SLC47A1: variants seen among roughly 807,000 people sequenced by gnomAD.
The protein encoded by SLC47A1 is multidrug and toxin extrusion protein 1.
SLC47A1 carries 58 observed loss-of-function variants against 65.8 expected under a neutral mutation model. The observed-to-expected ratio is 0.88, with a 90% CI of 0.71 to 1.10. The LOEUF is 1.10. Among genes scored for constraint, SLC47A1 ranks in the 50% least tolerant of loss-of-function variants. The pLI is 0.00. For missense variants in SLC47A1, 706 were observed against 719.2 expected (o/e 0.98, Z 0.21); for synonymous variants, 285 against 295.0 (o/e 0.97, Z 0.35).
At chr17:19,540,871 CACACA>C (rs1916127754) in intron 1 of SLC47A1, among the ~76,000 whole-genome samples, 1 of 151,798 alleles carries the variant, frequency 6.6e-6, no homozygotes, top group African/African-American at 2.4e-5. Context: ...CACACACACA[CACACA>C]CCCCTAGGGT....
chr17:19,533,994 G>C lies in SLC47A1; in HGVS notation c.55G>C (p.Glu19Gln), dbSNP rs779144949. 6.5e-7 allele frequency: 1 copy of C among 1,544,648 alleles called. No homozygotes were observed. Among genetic ancestry groups the C allele is most frequent in the Non-Finnish European group, 8.7e-7 (1 of 1,146,848 alleles). ...PVRGGPEATL[E>Q]VRGSRCLRLS... ...GCGCGGAGGCCCGGAGGCCACCCTT[G>C]AGGTCCGTGGGTCGCGCTGCTTGCG... is the stretch of plus-strand genomic sequence containing the variant. The change falls in exon 1 of 17, where the codon GAG becomes CAG. Residue 19 changes from glutamate to glutamine, a missense_variant. Glu to Gln is a conservative substitution (Grantham distance 29). Transcript: ENST00000270570.
intron 2 of SLC47A1, among the ~76,000 whole-genome samples, chr17:19,544,766 C>T (rs536572195): frequency 3.3e-5 from 5 of 152,188 alleles, no homozygotes; most frequent in South Asian, 2.1e-4. Context: ...CCCTGATACC[C>T]GAAATTGGAG....
At chr17:19,560,574 G>A in intron 12 of SLC47A1, 81 bp downstream of exon 12, 2 of 1,403,794 alleles carry the variant, frequency 1.4e-6, no homozygotes, top group Non-Finnish European at 2.0e-6. Context: ...CTAAAATCAG[G>A]CTGTTCAGAA....
At chr17:19,555,718 T>C (rs374563597) in intron 8 of SLC47A1, 28 bp downstream of exon 8, 4 of 1,613,594 alleles carry the variant, frequency 2.5e-6, no homozygotes, top group Non-Finnish European at 3.4e-6. Context: ...GTCTTCCAAC[T>C]GGGATGTGGG....
intron 12 of SLC47A1, among the ~76,000 whole-genome samples, chr17:19,565,738 G>A (rs989559944): frequency 1.3e-5 from 2 of 151,714 alleles, no homozygotes; most frequent in Non-Finnish European, 2.9e-5. Flanking sequence ...CCGCCACCAC[G>A]CCCGGCTAAT....
intron 16 of SLC47A1, among the ~76,000 whole-genome samples, chr17:19,574,505 C>G (rs1199020900): frequency 6.6e-6 from 1 of 152,202 alleles, no homozygotes; most frequent in Non-Finnish European, 1.5e-5. Flanking sequence ...TGTTTGCATT[C>G]TGATGCCTTC....
At chr17:19,536,750 A>G (rs567091517) in intron 1 of SLC47A1, among the ~76,000 whole-genome samples, 27 of 152,254 alleles carry the variant, frequency 1.8e-4, no homozygotes, top group South Asian at 6.2e-4. Flanking sequence ...ATTGTCCAAT[A>G]CTTTCTTCTC....
chr17:19,577,252 C>G, intron 16 of SLC47A1, 75 bp from the exon 17 acceptor site: 1 of 1,561,746 alleles, frequency 6.4e-7, no homozygotes, highest in Non-Finnish European at 8.7e-7. Flanking sequence ...AGCACATATT[C>G]CTTTTATACA....
intron 6 of SLC47A1, among the ~76,000 whole-genome samples, chr17:19,554,880 A>C (rs551912341): frequency 3.7e-4 from 56 of 152,328 alleles, no homozygotes; most frequent in African/African-American, 1.3e-3. Flanking sequence ...CCAGTGTCAA[A>C]GGTGCCTTGT....
intron 16 of SLC47A1, among the ~76,000 whole-genome samples, chr17:19,574,956 A>T (rs1164830816): frequency 6.6e-6 from 1 of 152,152 alleles, no homozygotes; most frequent in Non-Finnish European, 1.5e-5. Flanking sequence ...ACTTACTTTT[A>T]TACTACCGCT....
chr17:19,552,537 C>T (rs1282008408), intron 6 of SLC47A1, among the ~76,000 whole-genome samples: 1 of 152,296 alleles, frequency 6.6e-6, no homozygotes, highest in East Asian at 1.9e-4. Context: ...CTCCTGGACT[C>T]AGTCCCCCAA....
intron 12 of SLC47A1, among the ~76,000 whole-genome samples, chr17:19,563,850 G>C (rs189457713): frequency 6.6e-6 from 1 of 151,990 alleles, no homozygotes. Context: ...TTAGCCGGGC[G>C]TGGTGGCACG....
rs2084399662 is a variant in SLC47A1 at position 19,571,505 on chromosome 17, C to T, written c.1337C>T (p.Thr446Ile). 7.4e-6 allele frequency: 12 copies of T among 1,613,834 alleles called. No individual in the cohort carries two copies. The East Asian group carries it at 2.5e-4, about 33-fold the overall frequency. ...CTGTGGTCAGGGATCATCATCTGTA[C>T]AGTCTTTCAAGCTGTGTGTTTTCTA... is the stretch of plus-strand genomic sequence containing the variant. ...MGLWSGIIIC[T>I]VFQAVCFLGF... Residue 446 changes from threonine to isoleucine, a missense_variant, in exon 15 of 17, where the codon ACA becomes ATA. Transcript: ENST00000270570.
intron 6 of SLC47A1, 91 bp from the exon 7 acceptor site, chr17:19,555,121 C>A: frequency 1.7e-6 from 2 of 1,184,354 alleles, no homozygotes; most frequent in Non-Finnish European, 2.5e-6. Context: ...ACCCGCTGAG[C>A]AGGCCAGCTG....
chr17:19,558,932 T>A (rs1163614593), intron 10 of SLC47A1, among the ~76,000 whole-genome samples: 1 of 152,216 alleles, frequency 6.6e-6, no homozygotes, highest in Admixed American at 6.5e-5. Flanking sequence ...CAGATTTTCT[T>A]TAAGCTGGTC....
At chr17:19,543,480 T>C (rs1193331806) in intron 2 of SLC47A1, among the ~76,000 whole-genome samples, 1 of 152,074 alleles carries the variant, frequency 6.6e-6, no homozygotes, top group Non-Finnish European at 1.5e-5. Context: ...AGGGGAACAG[T>C]AAAAGGGGAG....
chr17:19,566,285 A>G (rs1223449127), intron 12 of SLC47A1, among the ~76,000 whole-genome samples: 1 of 152,200 alleles, frequency 6.6e-6, no homozygotes, highest in Non-Finnish European at 1.5e-5. Context: ...TCTTGAAGAC[A>G]AGGGTGTGGT....
chr17:19,554,375 A>G (rs1916544109), intron 6 of SLC47A1, among the ~76,000 whole-genome samples: 1 of 152,168 alleles, frequency 6.6e-6, no homozygotes, highest in African/African-American at 2.4e-5. Context: ...TGGGTTGGAA[A>G]TTGAGGCTAC....
Position 19,555,465 on chromosome 17 carries a change from C to T in SLC47A1, c.642-128C>T, listed in dbSNP as rs1916575527. 2.4e-6 allele frequency: 3 copies of T among 1,268,928 alleles called. No homozygotes were observed. In the East Asian group the frequency reaches 6.9e-5, roughly 29 times the overall value. 78.6% of individuals were successfully genotyped at this position (1,268,928 alleles called of 1,614,324 possible). Reference sequence around the variant, plus strand: ...GCACTGTCAGGGATGGAGGGTGAGGCTGCTCTGGGAAGAAGACCTTGGCCT... The same window carrying T: ...GCACTGTCAGGGATGGAGGGTGAGGTTGCTCTGGGAAGAAGACCTTGGCCT... On this transcript the variant is annotated intron_variant, in intron 7 of 16. Transcript: ENST00000270570.
Sources: gnomAD v4.1 joint callset for allele counts (sites outside exome capture counted in the v4.1 genomes callset) on GRCh38, gnomAD v4.1.1 for gene constraint, MANE v1.5 for transcripts, NCBI Gene and HGNC (gene_info 2026-07-23, HGNC 2026-07-21) for gene names.